RFTN2: variants seen among roughly 807,000 people sequenced by gnomAD.
RFTN2 encodes the protein raftlin family member 2, also known as raftlin-2.
In RFTN2, 34 loss-of-function variants were observed where a neutral mutation model predicts 52.7. The observed-to-expected ratio is 0.64, with a 90% CI of 0.49 to 0.86. The LOEUF is 0.86. Among genes scored for constraint, RFTN2 ranks in the 40% least tolerant of loss-of-function variants. The pLI, the probability that RFTN2 is intolerant of heterozygous loss-of-function variation, is 0.00. For synonymous variants in RFTN2, 203 were observed against 217.7 expected, an observed-to-expected ratio of 0.93 and a Z score of 0.59; for missense variants, 536 against 600.1, an observed-to-expected ratio of 0.89 and a Z score of 1.12.
In RFTN2 at chr2:197,606,637, AAAAC is replaced by A. The variant is rs571321748; in HGVS notation, c.1154+9235_1154+9238del. 5.3e-4 allele frequency among the ~76,000 whole-genome samples: 81 copies of A among 151,920 alleles called. No homozygotes were observed. In the South Asian group the frequency reaches 6.5e-3, roughly 12 times the overall value. The stretch of plus-strand genomic sequence containing the variant: ...TGAACTCAAACAAATTTACAAGAAA[AAAAC>A]AAACAACCCCATCAAAAAGTGGGCG... On this transcript the variant is annotated intron_variant, in intron 7 of 8. Coordinates refer to ENST00000295049, the MANE Select transcript of RFTN2 (RefSeq NM_144629.3).
intron 1 of RFTN2, among the ~76,000 whole-genome samples, chr2:197,670,506 A>G (rs752509329): frequency 6.6e-6 from 1 of 152,098 alleles, no homozygotes; most frequent in Non-Finnish European, 1.5e-5. Context: ...CAAGACCTCC[A>G]TCTCTACAAA....
chr2:197,675,415 C>A lies in RFTN2; in HGVS notation c.44G>T (p.Ser15Ile). ...CAGGGTAGAAAATATTTTTCCAGGGCTGCTATCATCAGGGTCTTCTAGCTT... is the reference window on the plus strand; with the variant it reads ...CAGGGTAGAAAATATTTTTCCAGGGATGCTATCATCAGGGTCTTCTAGCTT... Reference protein sequence around the residue: ...LRKLEDPDDSSPGKIFSTLKR... With the variant: ...LRKLEDPDDSIPGKIFSTLKR... Residue 15 changes from serine (S) to isoleucine (I), a missense_variant, in exon 1 of 9, where the codon AGC becomes ATC. By Grantham distance (142) the Ser-to-Ile change is moderately radical. Coordinates refer to ENST00000295049, the MANE Select transcript of RFTN2 (RefSeq NM_144629.3). 1 of 1,603,202 alleles carries A rather than the reference C, an allele frequency of 6.2e-7. No individual in the cohort carries two copies. Among genetic ancestry groups the A allele is most frequent in the East Asian group, 2.3e-5 (1 of 44,002 alleles).
At chr2:197,609,991 C>T (rs1163732133) in intron 7 of RFTN2, among the ~76,000 whole-genome samples, 1 of 152,266 alleles carries the variant, frequency 6.6e-6, no homozygotes, top group East Asian at 1.9e-4. Flanking sequence ...TGTTTTGGTA[C>T]CAGTACCATG....
intron 3 of RFTN2, among the ~76,000 whole-genome samples, chr2:197,635,655 A>C: frequency 6.7e-6 from 1 of 150,072 alleles, no homozygotes; most frequent in South Asian, 2.1e-4. Flanking sequence ...TCAGATGAGT[A>C]GGTTGTGAAA....
intron 7 of RFTN2, among the ~76,000 whole-genome samples, chr2:197,611,313 AT>A (rs1482570050): frequency 6.6e-6 from 1 of 152,162 alleles, no homozygotes; most frequent in Non-Finnish European, 1.5e-5. Context: ...CTAGTCAGAG[AT>A]TCAACTTCTT....
At chr2:197,626,596 A>AT (rs2088364416) in intron 5 of RFTN2, among the ~76,000 whole-genome samples, 1 of 149,270 alleles carries the variant, frequency 6.7e-6, no homozygotes, top group African/African-American at 2.5e-5. Flanking sequence ...TAAAGTTAAA[A>AT]TAAAAAAAAG....
chr2:197,629,634 TC>T (rs1175368668), intron 5 of RFTN2, among the ~76,000 whole-genome samples: 3 of 150,814 alleles, frequency 2.0e-5, no homozygotes, highest in Non-Finnish European at 4.4e-5. Flanking sequence ...GGAAGAGGCT[TC>T]CAATAACCAA....
intron 8 of RFTN2, among the ~76,000 whole-genome samples, chr2:197,576,959 T>G (rs1391677074): frequency 6.6e-6 from 1 of 152,206 alleles, no homozygotes; most frequent in Non-Finnish European, 1.5e-5. Flanking sequence ...CCCATTCTAT[T>G]CAAATTTACC....
intron 5 of RFTN2, among the ~76,000 whole-genome samples, chr2:197,629,347 A>C (rs1219422502): frequency 6.6e-5 from 10 of 152,180 alleles, no homozygotes. Context: ...TCGCAAGGAC[A>C]GAAAACCAAA....
chr2:197,591,540 C>T lies in RFTN2; in HGVS notation c.1233+4451G>A, dbSNP rs571963930. ...GGCAGGTGGAGCTGTCTGCCAGTCC[C>T]GCGCAGTGTGCCCATACTCCTCAGC... On this transcript the variant is annotated intron_variant, in intron 8 of 8. Transcript: ENST00000295049. 1.9e-4 allele frequency among the ~76,000 whole-genome samples: 29 copies of T among 152,342 alleles called. No homozygotes were observed. In the East Asian group the frequency reaches 2.1e-3, roughly 11 times the overall value.
At chr2:197,600,295 T>C (rs541702393) in intron 7 of RFTN2, among the ~76,000 whole-genome samples, 56 of 152,342 alleles carry the variant, frequency 3.7e-4, no homozygotes, top group Middle Eastern at 3.4e-3. Context: ...CTGACAACTT[T>C]AGACAGCATC....
At chr2:197,572,553 C>T (rs182661196) in intron 8 of RFTN2, among the ~76,000 whole-genome samples, 221 of 152,306 alleles carry the variant, frequency 1.5e-3, no homozygotes, top group Admixed American at 9.0e-3. Flanking sequence ...CATCTCGGCC[C>T]TCAGTGACAT....
intron 7 of RFTN2, among the ~76,000 whole-genome samples, chr2:197,599,112 C>T (rs1279724799): frequency 1.3e-5 from 2 of 151,922 alleles, no homozygotes; most frequent in Non-Finnish European, 2.9e-5. Context: ...CCACCATGCC[C>T]GGCTCATTTT....
chr2:197,649,479 A>C (rs1044598457), intron 1 of RFTN2, among the ~76,000 whole-genome samples: 1 of 152,236 alleles, frequency 6.6e-6, no homozygotes, highest in African/African-American at 2.4e-5. Context: ...ACCACAAATA[A>C]TGATTTAATG....
At chr2:197,669,376 C>CT (rs11408740) in intron 1 of RFTN2, among the ~76,000 whole-genome samples, 27,110 of 144,328 alleles carry the variant, frequency 0.19, 2,580 homozygotes, top group Middle Eastern at 0.28. Context: ...CCTATTCAGC[C>CT]TTTTTTTTTT....
Position 197,615,949 on chromosome 2 carries a change from G to C in RFTN2, c.1081C>G (p.Leu361Val). ...CCGAATTCAGCCAGAGTGTGCAGCA[G>C]AGGGCCATAATCTGTTTTGATTTCA... ...GCEIKTDYGP[L>V]LHTLAEFGWL... Residue 361 changes from leucine (L) to valine (V), a missense_variant, in exon 7 of 9, where the codon CTG becomes GTG. Leu to Val is a conservative substitution (Grantham distance 32). Transcript: ENST00000295049. 1 of 1,557,892 alleles carries C rather than the reference G, an allele frequency of 6.4e-7. No homozygotes were observed. The highest frequency in any genetic ancestry group is 8.7e-7 in the Non-Finnish European group (1 of 1,149,188).
At chr2:197,668,785 G>A (rs2089098429) in intron 1 of RFTN2, among the ~76,000 whole-genome samples, 1 of 152,188 alleles carries the variant, frequency 6.6e-6, no homozygotes, top group African/African-American at 2.4e-5. Flanking sequence ...TTGGGACCCA[G>A]TATGCCCTTC....
At chr2:197,673,402 T>C (rs1198523910) in intron 1 of RFTN2, among the ~76,000 whole-genome samples, 3 of 152,146 alleles carry the variant, frequency 2.0e-5, no homozygotes, top group African/African-American at 7.2e-5. Flanking sequence ...TGCTGAGTCC[T>C]GGCTTCTGAA....
In RFTN2 at chr2:197,675,545, A is replaced by G. The variant is rs979179525; in HGVS notation, c.-87T>C. The G allele has an allele frequency of 1.4e-6, 1 of 716,622 alleles. No individual in the cohort carries two copies. Among genetic ancestry groups the G allele is most frequent in the Non-Finnish European group, 1.9e-6 (1 of 513,764 alleles). The allele number at this position is 716,622 out of a possible 1,614,324, so 44.4% of individuals were successfully genotyped here. ...TTAAGCTGCAAAAAGAAAGTTACAG[A>G]CTTAACTGCTTTGATTTTGTTTTCA... On this transcript the variant is annotated 5_prime_UTR_variant, in exon 1 of 9. Coordinates refer to ENST00000295049, the MANE Select transcript of RFTN2 (RefSeq NM_144629.3).
Sources: allele counts gnomAD v4.1 joint callset (sites outside exome capture counted in the v4.1 genomes callset), GRCh38; gene constraint gnomAD v4.1.1; transcripts MANE v1.5; gene names NCBI Gene and HGNC (gene_info 2026-07-23, HGNC 2026-07-21).